DARS2: variants seen among roughly 807,000 people sequenced by gnomAD.
DARS2 encodes the protein aspartyl-tRNA synthetase 2, mitochondrial.
DARS2 carries 63 observed loss-of-function variants against 83.0 expected under a neutral mutation model. The ratio of observed to expected loss-of-function variants is 0.76; its 90% CI spans 0.62 to 0.94. DARS2 has a LOEUF of 0.94. DARS2 is among the 40% of genes least tolerant of loss of function. The pLI is 0.00. For synonymous variants in DARS2, 250 were observed against 269.3 expected (o/e 0.93, Z 0.70); for missense variants, 675 against 774.4 (o/e 0.87, Z 1.52).
At position 173,858,273 on chromosome 1, in the gene DARS2, A is replaced by T. The variant is rs1653926961; in HGVS notation, c.*568A>T. ...AATTTTTCTTCAGTGTTTCAGCCTGAGTAAGTTACATAAACCTCGCTTAGC... is the reference window on the plus strand; with the variant it reads ...AATTTTTCTTCAGTGTTTCAGCCTGTGTAAGTTACATAAACCTCGCTTAGC... On this transcript the variant is annotated 3_prime_UTR_variant, in exon 17 of 17. Coordinates refer to ENST00000649689, the MANE Select transcript of DARS2 (RefSeq NM_018122.5). 6.3e-6 allele frequency: 1 copy of T among 158,774 alleles called. No homozygotes were observed. Among genetic ancestry groups the T allele is most frequent in the Admixed American group, 6.0e-5 (1 of 16,562 alleles). 9.8% of individuals were successfully genotyped at this position (158,774 alleles called of 1,614,324 possible).
chr1:173,847,652 G>A (rs769123758), intron 12 of DARS2, among the ~76,000 whole-genome samples: 1 of 151,962 alleles, frequency 6.6e-6, no homozygotes, highest in Non-Finnish European at 1.5e-5. Context: ...ATAATCATTT[G>A]CTCTAGCCTG....
At chr1:173,838,160 A>T in intron 8 of DARS2, 30 bp from the exon 9 acceptor site, 14 of 1,557,770 alleles carry the variant, frequency 9.0e-6, no homozygotes, top group Non-Finnish European at 1.2e-5. Flanking sequence ...CTAGAATCAT[A>T]ACTCAATTAA....
At chr1:173,856,632 A>G (rs1229202319) in intron 15 of DARS2, 34 bp from the exon 16 acceptor site, 11 of 1,605,120 alleles carry the variant, frequency 6.9e-6, no homozygotes, top group Admixed American at 1.7e-5. Flanking sequence ...GACCTTCAAA[A>G]TATATTTAAA....
intron 3 of DARS2, among the ~76,000 whole-genome samples, chr1:173,829,686 G>A (rs1652722442): frequency 6.6e-6 from 1 of 151,838 alleles, no homozygotes; most frequent in South Asian, 2.1e-4. Context: ...GAGGCAGGTG[G>A]ATCTCGAGGT....
At chr1:173,838,636 A>G (rs893588402) in intron 9 of DARS2, among the ~76,000 whole-genome samples, 3 of 151,994 alleles carry the variant, frequency 2.0e-5, no homozygotes, top group Non-Finnish European at 2.9e-5. Context: ...TATATTATGA[A>G]TAATTTTATA....
chr1:173,857,625 T>G lies in DARS2; in HGVS notation c.1858T>G (p.Ser620Ala), dbSNP rs1255268911. Reference protein sequence around the residue: ...GHDLMSNTPDSVPPEELKPYH... With the variant: ...GHDLMSNTPDAVPPEELKPYH... ...TGACCTCATGAGCAATACCCCAGAT[T>G]CTGTCCCTCCTGAGGAACTGAAGCC... Residue 620 changes from serine (S) to alanine (A), a missense_variant, in exon 17 of 17, where the codon TCT (serine) becomes GCT (alanine). By Grantham distance (99) the Ser-to-Ala change is moderately conservative (BLOSUM62 1). Transcript: ENST00000649689. 1 of 1,614,070 alleles carries G rather than the reference T, an allele frequency of 6.2e-7. No individual in the cohort carries two copies. Among genetic ancestry groups the G allele is most frequent in the African/African-American group, 1.3e-5 (1 of 74,942 alleles).
In DARS2 at chr1:173,838,241, A is replaced by G. The variant is rs755724812; in HGVS notation, c.822A>G (p.Arg274=). 5.0e-6 allele frequency: 8 copies of G among 1,613,594 alleles called. No homozygotes were observed. In the East Asian group the frequency reaches 1.8e-4, roughly 36 times the overall value. The change falls in exon 9 of 17, where the codon AGA becomes AGG. Residue 274 remains arginine (R), a synonymous_variant. Coordinates refer to ENST00000649689, the MANE Select transcript of DARS2 (RefSeq NM_018122.5). ...CYRDEGSRPD[R]QPEFTQIDIE... is the part of the protein sequence containing the mutation. ...GAGATGAAGGTTCAAGACCAGACAGACAGCCTGAGTTTACTCAGGTACAAA... is the reference window on the plus strand; with the variant it reads ...GAGATGAAGGTTCAAGACCAGACAGGCAGCCTGAGTTTACTCAGGTACAAA...
In DARS2 at chr1:173,850,465, G is replaced by A; in HGVS notation, c.1330G>A (p.Glu444Lys). Residue 444 changes from glutamate to lysine, a missense_variant, in exon 13 of 17, where the codon GAG becomes AAG. By Grantham distance (56) the Glu-to-Lys change is moderately conservative. Coordinates refer to ENST00000649689, the MANE Select transcript of DARS2 (RefSeq NM_018122.5). ...AGATGTGGTCCTACTAACTGCTGGA[G>A]AGCACAATAAAGCAGTAAGAAAAAT... is the stretch of plus-strand genomic sequence containing the variant. ...EEDVVLLTAG[E>K]HNKACSLLGK... is the part of the protein sequence containing the mutation. The A allele has an allele frequency of 6.2e-7, 1 of 1,613,958 alleles. No homozygotes were observed. Among genetic ancestry groups the A allele is most frequent in the East Asian group, 2.2e-5 (1 of 44,856 alleles).
At chr1:173,855,051 T>C (rs1653809649) in intron 15 of DARS2, among the ~76,000 whole-genome samples, 1 of 152,256 alleles carries the variant, frequency 6.6e-6, no homozygotes, top group South Asian at 2.1e-4. Flanking sequence ...ATGACTCCTT[T>C]AGCTTTAAGC....
At chr1:173,836,149 G>A (rs1652996770) in intron 7 of DARS2, among the ~76,000 whole-genome samples, 1 of 152,076 alleles carries the variant, frequency 6.6e-6, no homozygotes, top group African/African-American at 2.4e-5. Flanking sequence ...GAATCCAGAA[G>A]GCAGAGTTTG....
At chr1:173,849,048 G>T (rs1471378989) in intron 12 of DARS2, among the ~76,000 whole-genome samples, 3 of 148,824 alleles carry the variant, frequency 2.0e-5, no homozygotes, top group African/African-American at 7.4e-5. Flanking sequence ...ATCTTATTCT[G>T]GTTTTATTCA....
rs374688029 is a variant in DARS2, at chr1:173,826,223, C to CA, written c.128-449dup. On this transcript the variant is annotated intron_variant, in intron 1 of 16. Coordinates refer to ENST00000649689, the MANE Select transcript of DARS2 (RefSeq NM_018122.5). ...TGGGCGACAGAGCGAGACTCCATCT[C>CA]AAAAAAAAAAAAAAATCATTTTTCA... is the stretch of plus-strand genomic sequence containing the variant. 4.2e-3 allele frequency among the ~76,000 whole-genome samples: 518 copies of CA among 124,464 alleles called. 6 individuals carry two copies. Among genetic ancestry groups the CA allele is most frequent in the East Asian group, 0.034 (144 of 4,222 alleles). 81.7% of individuals were successfully genotyped at this position (124,464 alleles called of 152,430 possible).
intron 1 of DARS2, 53 bp downstream of exon 1, chr1:173,825,409 AC>A: frequency 6.4e-7 from 1 of 1,567,788 alleles, no homozygotes; most frequent in Non-Finnish European, 8.7e-7. Context: ...CCTGTTATCT[AC>A]GGCCGGAGAG....
chr1:173,825,448 CCATTATT>C (rs1179343086), intron 1 of DARS2, 92 bp downstream of exon 1: 2 of 646,150 alleles, frequency 3.1e-6, no homozygotes, highest in East Asian at 4.5e-5. Flanking sequence ...ATTTTTTCCC[CCATTATT>C]ATTATTATTA....
chr1:173,845,246 A>G lies in DARS2; in HGVS notation c.1146A>G (p.Lys382=), dbSNP rs761655810. ...IPEGAKYLKR[K]DIESIRNFAA... Reference sequence around the variant, plus strand: ...TTCATCAGAAATACTTAAAAAGGAAAGACATTGAATCCATTAGAAACTTTG... The same window carrying G: ...TTCATCAGAAATACTTAAAAAGGAAGGACATTGAATCCATTAGAAACTTTG... The change falls in exon 12 of 17, where the codon AAA becomes AAG. Residue 382 remains lysine (K), a synonymous_variant. Coordinates refer to ENST00000649689, the MANE Select transcript of DARS2 (RefSeq NM_018122.5). 1.2e-6 allele frequency: 2 copies of G among 1,609,338 alleles called. No homozygotes were observed. The highest frequency in any genetic ancestry group is 1.7e-6 in the Non-Finnish European group (2 of 1,175,790).
intron 3 of DARS2, 115 bp downstream of exon 3, chr1:173,828,514 G>A: frequency 1.0e-6 from 1 of 992,184 alleles, no homozygotes; most frequent in Non-Finnish European, 1.5e-6. Flanking sequence ...TATTGTTAAT[G>A]AAAACTGAAA....
intron 4 of DARS2, 75 bp from the exon 5 acceptor site, chr1:173,831,460 A>G: frequency 5.6e-6 from 6 of 1,065,524 alleles, no homozygotes; most frequent in East Asian, 2.4e-5. Flanking sequence ...AAATAAATGC[A>G]TAGATTCTAC....
In DARS2 at chr1:173,840,972, C is replaced by G; in HGVS notation, c.1127C>G (p.Ala376Gly). ...AAAGCCATATGTATCCCTGAAGGAG[C>G]AGTAAGTGAAGTACAGTTCTATGTT... Reference protein sequence around the residue: ...TVKAICIPEGAKYLKRKDIES... With the variant: ...TVKAICIPEGGKYLKRKDIES... Residue 376 changes from alanine to glycine, a missense_variant and splice_region_variant, in exon 11 of 17, where the codon GCA becomes GGA. Ala to Gly is a moderately conservative substitution (Grantham distance 60, BLOSUM62 0). Coordinates refer to ENST00000649689, the MANE Select transcript of DARS2 (RefSeq NM_018122.5). The G allele has an allele frequency of 6.4e-7, 1 of 1,559,818 alleles. No individual in the cohort carries two copies. Among genetic ancestry groups the G allele is most frequent in the Non-Finnish European group, 8.8e-7 (1 of 1,130,558 alleles).
intron 9 of DARS2, among the ~76,000 whole-genome samples, chr1:173,839,136 G>A (rs999592424): frequency 7.2e-5 from 11 of 152,124 alleles, no homozygotes; most frequent in African/African-American, 2.7e-4. Flanking sequence ...TTGCACATAC[G>A]CAAATAAGTA....
Sources: gnomAD v4.1 joint callset for allele counts (sites outside exome capture counted in the v4.1 genomes callset) on GRCh38, gnomAD v4.1.1 for gene constraint, MANE v1.5 for transcripts, NCBI Gene and HGNC (gene_info 2026-07-23, HGNC 2026-07-21) for gene names.